INPP5E: variants seen among roughly 807,000 people sequenced by gnomAD.
INPP5E encodes phosphatidylinositol polyphosphate 5-phosphatase type IV.
INPP5E carries 34 observed loss-of-function variants against 50.5 expected under a neutral mutation model. The ratio of observed to expected loss-of-function variants is 0.67; its 90% CI spans 0.51 to 0.90. INPP5E has a LOEUF of 0.90. Among genes scored for constraint, INPP5E ranks in the 40% least tolerant of loss-of-function variants. INPP5E has a pLI of 0.00. For synonymous variants in INPP5E, 447 were observed against 406.0 expected (o/e 1.10, Z -1.21); for missense variants, 942 against 905.5 (o/e 1.04, Z -0.52).
At chr9:136,432,226 C>A (rs1446302600) in intron 6 of INPP5E, among the ~76,000 whole-genome samples, 2 of 152,210 alleles carry the variant, frequency 1.3e-5, no homozygotes, top group African/African-American at 4.8e-5. Flanking sequence ...TCCACACAGC[C>A]AGGGGAGGCG....
At position 136,439,613 on chromosome 9, in the gene INPP5E, G is replaced by A; in HGVS notation, c.-194C>T. 1 of 379,032 alleles carries A rather than the reference G, an allele frequency of 2.6e-6. No homozygotes were observed. The highest frequency in any genetic ancestry group is 4.6e-6 in the Non-Finnish European group (1 of 216,846). 23.5% of individuals were successfully genotyped at this position (379,032 alleles called of 1,614,324 possible). A position where few individuals can be genotyped will look rare whatever the true frequency, so the allele number is the denominator to read the frequency against. ...GGCCCCGAGTCCCGCCAGCCCCTCG[G>A]GGCTCCCAGACGCCGTTCCCAGGGC... On this transcript the variant is annotated 5_prime_UTR_variant, in exon 1 of 10. Coordinates refer to ENST00000371712, the MANE Select transcript of INPP5E (RefSeq NM_019892.6).
At position 136,438,857 on chromosome 9, in the gene INPP5E, A is replaced by C; in HGVS notation, c.563T>G (p.Leu188Arg). ...VAGSSPRLPSLLPPRPPPALS... is the reference protein window; with the variant it reads ...VAGSSPRLPSRLPPRPPPALS... The stretch of plus-strand genomic sequence containing the variant: ...GGCAGGCGGTGGGCGCGGGGGCAGC[A>C]GGCTGGGCAGCCTGGGCGAGCTCCC... The change falls in exon 1 of 10, where the codon CTG (leucine) becomes CGG (arginine). Residue 188 changes from leucine (L) to arginine (R), a missense_variant. Coordinates refer to ENST00000371712, the MANE Select transcript of INPP5E (RefSeq NM_019892.6). 6.2e-7 allele frequency: 1 copy of C among 1,600,298 alleles called. No homozygotes were observed. Among genetic ancestry groups the C allele is most frequent in the Non-Finnish European group, 8.5e-7 (1 of 1,173,980 alleles).
In INPP5E at chr9:136,429,466, G is replaced by A; in HGVS notation, c.*209C>T. 1 of 702,704 alleles carries A rather than the reference G, an allele frequency of 1.4e-6. No individual in the cohort carries two copies. The allele number at this position is 702,704 out of a possible 1,614,324, so 43.5% of individuals were successfully genotyped here. A position where few individuals can be genotyped will look rare whatever the true frequency, so the allele number is the denominator to read the frequency against. Reference sequence around the variant, plus strand: ...GTATGGACCTGCCATGGAGACGGGGGTCCAAGCCCTGCCCACCCACACCGT... The same window carrying A: ...GTATGGACCTGCCATGGAGACGGGGATCCAAGCCCTGCCCACCCACACCGT... On this transcript the variant is annotated 3_prime_UTR_variant, in exon 10 of 10. Transcript: ENST00000371712.
intron 8 of INPP5E, 59 bp downstream of exon 8, chr9:136,430,943 G>A (rs934763510): frequency 5.0e-5 from 61 of 1,230,200 alleles, no homozygotes; most frequent in Non-Finnish European, 6.2e-5. Context: ...ATCGGTTCCC[G>A]GCTGTGGGAG....
Position 136,434,440 on chromosome 9 carries a change from G to A in INPP5E, c.936+300C>T, listed in dbSNP as rs375174140. ...CCCTGTCCCTGAGCCACCCCTACGC[G>A]TGCCCCGCTGGCCGCCCTCCCGCTC... On this transcript the variant is annotated intron_variant, in intron 2 of 9. Transcript: ENST00000371712. Among the ~76,000 whole-genome samples the A allele has an allele frequency of 8.2e-4, 125 of 151,696 alleles. No individual in the cohort carries two copies. In the East Asian group the frequency reaches 0.019, roughly 23 times the overall value.
intron 9 of INPP5E, 122 bp downstream of exon 9, chr9:136,430,155 G>A: frequency 7.8e-7 from 1 of 1,280,284 alleles, no homozygotes; most frequent in Non-Finnish European, 1.1e-6. Flanking sequence ...GGGGAACACA[G>A]CCCTGAAGGT....
At chr9:136,430,911 G>T in intron 8 of INPP5E, 91 bp downstream of exon 8, 1 of 932,554 alleles carries the variant, frequency 1.1e-6, no homozygotes, top group Non-Finnish European at 1.7e-6. Flanking sequence ...GGCCGTCCAG[G>T]CTCAGACCCC....
At chr9:136,432,646 G>A (rs1429664900) in intron 5 of INPP5E, 60 bp from the exon 6 acceptor site, 2 of 1,160,990 alleles carry the variant, frequency 1.7e-6, no homozygotes, top group Admixed American at 2.0e-5. Context: ...TCTCCCTAAA[G>A]CGCCGCACCT....
At chr9:136,433,922 GC>G in intron 3 of INPP5E, 114 bp downstream of exon 3, 1 of 828,208 alleles carries the variant, frequency 1.2e-6, no homozygotes, top group Non-Finnish European at 2.0e-6. Flanking sequence ...ACAGATGGCA[GC>G]CCCCGGGCAG....
Position 136,434,854 on chromosome 9 carries a change from C to CTGTG in INPP5E, c.821_822insCACA (p.Glu275ThrfsTer16). ...CCCCGCTGGCCAGGAGGCTGCCCTC[C>CTGTG]AGGTAACTCCTGTGACGGGAGGACC... On this transcript the variant is annotated frameshift_variant, in exon 2 of 10. Coordinates refer to ENST00000371712, the MANE Select transcript of INPP5E (RefSeq NM_019892.6). LOFTEE classifies it high-confidence loss of function. 1 of 1,607,920 alleles carries CTGTG rather than the reference C, an allele frequency of 6.2e-7. No individual in the cohort carries two copies. Among genetic ancestry groups the CTGTG allele is most frequent in the South Asian group, 1.1e-5 (1 of 90,040 alleles).
At chr9:136,433,516 T>C (rs1425719647) in intron 3 of INPP5E, among the ~76,000 whole-genome samples, 1 of 151,806 alleles carries the variant, frequency 6.6e-6, no homozygotes, top group Non-Finnish European at 1.5e-5. Flanking sequence ...GAGACCCCAG[T>C]GAGCAGAGCT....
chr9:136,432,529 A>G lies in INPP5E; in HGVS notation c.1337T>C (p.Leu446Pro), dbSNP rs1238625120. 4 of 1,551,610 alleles carry G rather than the reference A, an allele frequency of 2.6e-6. No homozygotes were observed. The highest frequency in any genetic ancestry group is 3.5e-6 in the Non-Finnish European group (4 of 1,147,378). ...GTCGGGCACATTTCTGGGCAGGACC[A>G]GGGCTTGTACAGTCCTGGTGTAGTC... ...LLDYTRTVQA[L>P]VLPRNVPDTN... Residue 446 changes from leucine (L) to proline (P), a missense_variant, in exon 6 of 10, where the codon CTG becomes CCG. Coordinates refer to ENST00000371712, the MANE Select transcript of INPP5E (RefSeq NM_019892.6).
rs34936112 is a variant in INPP5E, at chr9:136,432,610, G to A, written c.1280-24C>T. 0.28 allele frequency: 404,777 copies of A among 1,436,530 alleles called. 59,794 individuals carry two copies. The highest frequency in any genetic ancestry group is 0.3 in the Non-Finnish European group (319,042 of 1,046,136). 89.0% of individuals were successfully genotyped at this position (1,436,530 alleles called of 1,614,324 possible). ...TGCTGTGGGAACAGAAATGGGGTAG[G>A]GACCACAGGGTTCCGGATGCTCGAG... On this transcript the variant is annotated intron_variant, in intron 5 of 9. Coordinates refer to ENST00000371712, the MANE Select transcript of INPP5E (RefSeq NM_019892.6).
intron 8 of INPP5E, 114 bp downstream of exon 8, chr9:136,430,888 A>G: frequency 2.6e-6 from 2 of 765,828 alleles, no homozygotes; most frequent in East Asian, 5.3e-5. Context: ...TGCAGAGCTG[A>G]GTTTCAAGTC....
intron 1 of INPP5E, chr9:136,436,455 G>C (rs1835835057): frequency 6.6e-6 from 1 of 152,616 alleles, no homozygotes; most frequent in Non-Finnish European, 1.5e-5. Context: ...TCTAGACACG[G>C]GCAGGGGCAG....
At chr9:136,434,261 A>T (rs1054080910) in intron 2 of INPP5E, 127 bp from the exon 3 acceptor site, 1 of 708,576 alleles carries the variant, frequency 1.4e-6, no homozygotes, top group Non-Finnish European at 2.5e-6. Flanking sequence ...GGCCAGGGCC[A>T]AAAAGGGAGC....
intron 1 of INPP5E, chr9:136,437,025 G>A (rs1835846213): frequency 6.6e-6 from 1 of 152,228 alleles, no homozygotes; most frequent in Non-Finnish European, 1.5e-5. Context: ...TGATGCTTTA[G>A]ATGCACTAAG....
At chr9:136,434,974 C>G (rs983319628) in intron 1 of INPP5E, 111 bp from the exon 2 acceptor site, 2 of 1,368,958 alleles carry the variant, frequency 1.5e-6, no homozygotes, top group African/African-American at 2.9e-5. Context: ...GGAGCTGCCC[C>G]CAGCCCCAAG....
rs1835720327 is a variant in INPP5E at position 136,432,053 on chromosome 9, A to G, written c.1388-68T>C. ...GCAGGTCCTTCCCCTTCCCCAGAACATGGCCTGGGAGTGGCTCTCAGGGGA... is the reference window on the plus strand; with the variant it reads ...GCAGGTCCTTCCCCTTCCCCAGAACGTGGCCTGGGAGTGGCTCTCAGGGGA... On this transcript the variant is annotated intron_variant, in intron 6 of 9. Transcript: ENST00000371712. 1.6e-5 allele frequency: 25 copies of G among 1,588,396 alleles called. No individual in the cohort carries two copies. In the South Asian group the frequency reaches 1.7e-4, roughly 11 times the overall value.
Sources: gnomAD v4.1 joint callset for allele counts (sites outside exome capture counted in the v4.1 genomes callset) on GRCh38, gnomAD v4.1.1 for gene constraint, MANE v1.5 for transcripts, NCBI Gene and HGNC (gene_info 2026-07-23, HGNC 2026-07-21) for gene names.